The following SORCS3 variants were observed in gnomAD, a reference collection of about 807,000 sequenced individuals.
SORCS3 encodes the protein sortilin related VPS10 domain containing receptor 3.
A neutral mutation model predicts 146.3 loss-of-function variants in SORCS3; 57 were observed. That is an observed-to-expected ratio of 0.39 (90% confidence interval 0.31 to 0.49). The LOEUF (loss-of-function observed/expected upper bound fraction) is 0.49. Ranked by LOEUF, SORCS3 falls within the 20% of genes least tolerant of loss-of-function variation. The pLI is 0.92. For synonymous variants in SORCS3, 653 were observed against 618.5 expected, an observed-to-expected ratio of 1.06 and a Z score of -0.83; for missense variants, 1,341 against 1,575.5, an observed-to-expected ratio of 0.85 and a Z score of 2.52.
At chr10:105,155,345 G>A (rs191929540) in intron 9 of SORCS3, among the ~76,000 whole-genome samples, 7 of 152,314 alleles carry the variant, frequency 4.6e-5, no homozygotes, top group South Asian at 4.2e-4. Context: ...CCGGGGTCAA[G>A]GTGTCTGAGT....
chr10:104,984,425 A>G (rs1354880887), intron 4 of SORCS3, among the ~76,000 whole-genome samples: 8 of 152,132 alleles, frequency 5.3e-5, no homozygotes, highest in Non-Finnish European at 8.8e-5. Flanking sequence ...GTGCAAATGA[A>G]TTTTCCTTCC....
At chr10:104,803,287 AAG>A (rs1448560582) in intron 1 of SORCS3, among the ~76,000 whole-genome samples, 2 of 152,302 alleles carry the variant, frequency 1.3e-5, no homozygotes, top group Non-Finnish European at 2.9e-5. Context: ...TTCTAAAAGA[AAG>A]AGAGGGGATG....
Position 105,002,146 on chromosome 10 carries a change from A to C in SORCS3, c.954+24653A>C, listed in dbSNP as rs537510004. ...AGGTGATGGATGATTAAGGACCTTC[A>C]TAGCCTCTGATTTTGGCCCACTGGT... is the stretch of plus-strand genomic sequence containing the variant. On this transcript the variant is annotated intron_variant, in intron 4 of 26. Transcript: ENST00000369701. Among the ~76,000 whole-genome samples, 3 of 152,250 alleles carry C rather than the reference A, an allele frequency of 2.0e-5. No individual in the cohort carries two copies. The East Asian group carries it at 5.8e-4, about 29-fold the overall frequency.
At chr10:104,821,281 C>A (rs2017869767) in intron 1 of SORCS3, among the ~76,000 whole-genome samples, 1 of 152,004 alleles carries the variant, frequency 6.6e-6, no homozygotes, top group Non-Finnish European at 1.5e-5. Flanking sequence ...ATGGGAGATA[C>A]CAGAAAATAT....
At chr10:105,205,133 C>T (rs1194634677) in intron 16 of SORCS3, among the ~76,000 whole-genome samples, 1 of 152,096 alleles carries the variant, frequency 6.6e-6, no homozygotes, top group African/African-American at 2.4e-5. Context: ...AAAGTTCAAG[C>T]CTCAGAGACA....
chr10:105,247,340 G>C lies in SORCS3; in HGVS notation c.3105+9G>C. 4 of 1,535,206 alleles carry C rather than the reference G, an allele frequency of 2.6e-6. No individual in the cohort carries two copies. Among genetic ancestry groups the C allele is most frequent in the Non-Finnish European group, 3.6e-6 (4 of 1,111,066 alleles). Reference sequence around the variant, plus strand: ...AGCGAGCTCTGGTTAAAGTAAGTTGGCTTTGTCTTTTTTTAAGTTCTTGTG... The same window carrying C: ...AGCGAGCTCTGGTTAAAGTAAGTTGCCTTTGTCTTTTTTTAAGTTCTTGTG... On this transcript the variant is annotated intron_variant, in intron 22 of 26. Coordinates refer to ENST00000369701, the MANE Select transcript of SORCS3 (RefSeq NM_014978.3).
intron 1 of SORCS3, among the ~76,000 whole-genome samples, chr10:104,830,672 GC>G (rs1195585651): frequency 6.6e-6 from 1 of 152,182 alleles, no homozygotes; most frequent in Non-Finnish European, 1.5e-5. Flanking sequence ...AATTTGCAGA[GC>G]CCTGGTTACC....
intron 15 of SORCS3, among the ~76,000 whole-genome samples, chr10:105,200,895 G>A (rs544103875): frequency 5.9e-5 from 9 of 152,256 alleles, no homozygotes; most frequent in African/African-American, 1.9e-4. Flanking sequence ...ACTGGCTTGG[G>A]TGGGTGGAGG....
intron 17 of SORCS3, 75 bp from the exon 18 acceptor site, chr10:105,214,367 C>CAG: frequency 1.1e-6 from 1 of 887,354 alleles, no homozygotes; most frequent in Non-Finnish European, 1.6e-6. Flanking sequence ...CCCTTTATAA[C>CAG]ACACACACAC....
chr10:104,756,462 A>T (rs989931327), intron 1 of SORCS3, among the ~76,000 whole-genome samples: 3 of 152,220 alleles, frequency 2.0e-5, no homozygotes, highest in African/African-American at 4.8e-5. Flanking sequence ...TTTGAAGCTG[A>T]TGGAGAGCTC....
intron 4 of SORCS3, among the ~76,000 whole-genome samples, chr10:104,996,940 T>G (rs2055031130): frequency 6.6e-6 from 1 of 152,018 alleles, no homozygotes; most frequent in Admixed American, 6.6e-5. Context: ...CCAGCGGGGA[T>G]GTGTGGATGT....
At chr10:104,808,625 T>G (rs2059962510) in intron 1 of SORCS3, among the ~76,000 whole-genome samples, 2 of 152,206 alleles carry the variant, frequency 1.3e-5, no homozygotes, top group South Asian at 4.1e-4. Flanking sequence ...TGCAGTTGTT[T>G]CCATGTAAAT....
chr10:105,157,474 T>C (rs1164984542), intron 10 of SORCS3, among the ~76,000 whole-genome samples, 190 bp downstream of exon 10: 1 of 152,156 alleles, frequency 6.6e-6, no homozygotes, highest in Non-Finnish European at 1.5e-5. Flanking sequence ...CCCAGTTGAA[T>C]TATGCAGGCA....
chr10:105,244,266 G>GA (rs577426057), intron 20 of SORCS3, among the ~76,000 whole-genome samples: 1,840 of 147,358 alleles, frequency 0.012, 19 homozygotes, highest in South Asian at 0.044. Context: ...TTCTTTCCAG[G>GA]AAAAAAAAAT....
intron 2 of SORCS3, 100 bp downstream of exon 2, chr10:104,842,959 T>C (rs2018159907): frequency 1.1e-6 from 1 of 923,432 alleles, no homozygotes; most frequent in African/African-American, 1.6e-5. Flanking sequence ...GAGCAGAAGA[T>C]AGTCCTCTTC....
intron 2 of SORCS3, among the ~76,000 whole-genome samples, chr10:104,848,278 T>C (rs1305741540): frequency 6.6e-6 from 1 of 152,104 alleles, no homozygotes; most frequent in East Asian, 1.9e-4. Context: ...TCTGGACCAC[T>C]TATTTCCTCC....
In SORCS3 at chr10:105,256,801, T is replaced by C; in HGVS notation, c.3338-18T>C. 6.3e-7 allele frequency: 1 copy of C among 1,597,658 alleles called. No homozygotes were observed. Among genetic ancestry groups the C allele is most frequent in the Non-Finnish European group, 8.6e-7 (1 of 1,165,216 alleles). ...GTGAGCATATCTGTTCTTTTCCTTA[T>C]CTGTTCTTCTTTCCAAGCTCCATTG... On this transcript the variant is annotated intron_variant, in intron 24 of 26. Coordinates refer to ENST00000369701, the MANE Select transcript of SORCS3 (RefSeq NM_014978.3).
rs1447585407 is a variant in SORCS3 at position 105,024,706 on chromosome 10, G to A, written c.955-18349G>A. Among the ~76,000 whole-genome samples the A allele has an allele frequency of 3.9e-5, 6 of 152,262 alleles. No homozygotes were observed. The East Asian group carries it at 9.7e-4, about 25-fold the overall frequency. ...TCACTGGATTGGAGTTTCCACTTCA[G>A]GCATCATCCAAAATGGAGACAGCAA... On this transcript the variant is annotated intron_variant, in intron 4 of 26. Transcript: ENST00000369701.
At chr10:104,936,280 T>A (rs1589556402) in intron 3 of SORCS3, among the ~76,000 whole-genome samples, 1 of 151,672 alleles carries the variant, frequency 6.6e-6, no homozygotes, top group African/African-American at 2.4e-5. Context: ...GAAAAAAAAA[T>A]GGCTAACATT....
Sources: allele counts gnomAD v4.1 joint callset (sites outside exome capture counted in the v4.1 genomes callset), GRCh38; gene constraint gnomAD v4.1.1; transcripts MANE v1.5; gene names NCBI Gene and HGNC (gene_info 2026-07-23, HGNC 2026-07-21).